Variants in AGBL4 observed in about 807,000 individuals in gnomAD.
The protein encoded by AGBL4 is AGBL carboxypeptidase 4, also known as cytosolic carboxypeptidase 6.
Under a neutral mutation model 66.4 loss-of-function variants are expected in AGBL4, and 58 were observed. The observed-to-expected ratio is 0.87, with a 90% CI of 0.71 to 1.09. The LOEUF (loss-of-function observed/expected upper bound fraction) is 1.09. Ranked by LOEUF, AGBL4 falls within the 50% of genes least tolerant of loss-of-function variation. The probability of loss-of-function intolerance (pLI) is 0.00; values close to 1 mark genes in which losing one functional copy is unlikely to be tolerated. For missense variants in AGBL4, 579 were observed against 631.0 expected (o/e 0.92, Z 0.88); for synonymous variants, 234 against 222.9 (o/e 1.05, Z -0.44).
intron 3 of AGBL4, among the ~76,000 whole-genome samples, chr1:49,413,933 T>C (rs1645372620): frequency 6.6e-6 from 1 of 152,142 alleles, no homozygotes; most frequent in Admixed American, 6.6e-5. Context: ...ATACTCGGCC[T>C]AGTTCACAGA....
At chr1:49,845,197 T>C in intron 2 of AGBL4, 1 of 1,451,414 alleles carries the variant, frequency 6.9e-7, no homozygotes, top group South Asian at 1.1e-5. Context: ...CCGAAACAGC[T>C]CGGCACTTAC....
At chr1:48,997,104 G>A (rs903735591) in intron 5 of AGBL4, among the ~76,000 whole-genome samples, 2 of 152,014 alleles carry the variant, frequency 1.3e-5, no homozygotes, top group African/African-American at 4.8e-5. Context: ...TGTAATTTTA[G>A]TAGAGATGGG....
intron 4 of AGBL4, among the ~76,000 whole-genome samples, chr1:49,056,629 G>A (rs780753597): frequency 1.1e-4 from 17 of 152,120 alleles, no homozygotes; most frequent in Non-Finnish European, 1.9e-4. Flanking sequence ...GAAAGTGGGG[G>A]AGGGTACTAG....
Position 49,618,031 on chromosome 1 carries a change from T to C in AGBL4, c.282+79282A>G, listed in dbSNP as rs11810625. Reference sequence around the variant, plus strand: ...CCTCCCAACACCCGACACGCCCTGGTGTGTGATGTTCCCCTCCCTGTGTCC... The same window carrying C: ...CCTCCCAACACCCGACACGCCCTGGCGTGTGATGTTCCCCTCCCTGTGTCC... On this transcript the variant is annotated intron_variant, in intron 3 of 13. Transcript: ENST00000371839. Among the ~76,000 whole-genome samples the C allele has an allele frequency of 8.7e-3, 1,317 of 152,110 alleles. 20 individuals carry two copies. Among genetic ancestry groups the C allele is most frequent in the African/African-American group, 0.03 (1,238 of 41,510 alleles).
intron 3 of AGBL4, among the ~76,000 whole-genome samples, chr1:49,395,831 G>A (rs868242197): frequency 0.019 from 1,473 of 78,942 alleles, 23 homozygotes; most frequent in African/African-American, 0.069. Context: ...ATATATATGT[G>A]TATATATATA....
Position 48,542,310 on chromosome 1 carries a change from A to G in AGBL4, c.1268-2572T>C, listed in dbSNP as rs370082448. On this transcript the variant is annotated intron_variant, in intron 11 of 13. Transcript: ENST00000371839. ...AGTGCTACAATAAACATACGTGTGC[A>G]TGTGTCTTTATAGTAGAATGATTTA... Among the ~76,000 whole-genome samples the G allele has an allele frequency of 4.9e-4, 75 of 152,332 alleles. No homozygotes were observed. The East Asian group carries it at 7.1e-3, about 14-fold the overall frequency.
intron 5 of AGBL4, among the ~76,000 whole-genome samples, chr1:48,878,996 G>A (rs1161465222): frequency 2.6e-5 from 4 of 152,108 alleles, no homozygotes; most frequent in Admixed American, 2.6e-4. Context: ...TTGCCAGCTT[G>A]ATTATGAGGA....
chr1:49,130,001 C>T (rs2148065809), intron 4 of AGBL4, among the ~76,000 whole-genome samples: 1 of 152,266 alleles, frequency 6.6e-6, no homozygotes, highest in East Asian at 1.9e-4. Context: ...TTAATGATCA[C>T]CTTTCTAACT....
intron 3 of AGBL4, among the ~76,000 whole-genome samples, chr1:49,563,792 C>A (rs950070734): frequency 3.3e-5 from 5 of 151,818 alleles, no homozygotes; most frequent in South Asian, 2.1e-4. Context: ...TGTCTTTGCC[C>A]GGCTTTGGTA....
At chr1:49,224,681 G>T (rs1033889976) in intron 4 of AGBL4, among the ~76,000 whole-genome samples, 21 of 150,130 alleles carry the variant, frequency 1.4e-4, no homozygotes, top group African/African-American at 4.9e-4. Context: ...AAAAAACTCA[G>T]TTTCTCTCTG....
chr1:49,612,876 G>T (rs903343209), intron 3 of AGBL4, among the ~76,000 whole-genome samples: 1 of 152,182 alleles, frequency 6.6e-6, no homozygotes, highest in Non-Finnish European at 1.5e-5. Flanking sequence ...CAATCCCATT[G>T]CTGGGTATAG....
In AGBL4 at chr1:49,205,409, C is replaced by A. The variant is rs375558299; in HGVS notation, c.377+40361G>T. ...TGTTCCTCCTAGATGCTGGAAAACA[C>A]TTTGACTCTGTAGAAACTAAGTGTA... On this transcript the variant is annotated intron_variant, in intron 4 of 13. Coordinates refer to ENST00000371839, the MANE Select transcript of AGBL4 (RefSeq NM_032785.4). Among the ~76,000 whole-genome samples, 18 of 152,170 alleles carry A rather than the reference C, an allele frequency of 1.2e-4. No individual in the cohort carries two copies. In the East Asian group the frequency reaches 2.3e-3, roughly 20 times the overall value.
At chr1:49,366,551 T>C (rs1644245361) in intron 3 of AGBL4, among the ~76,000 whole-genome samples, 1 of 152,190 alleles carries the variant, frequency 6.6e-6, no homozygotes, top group Non-Finnish European at 1.5e-5. Flanking sequence ...TGAGAAATCC[T>C]CCTGATTTAT....
chr1:48,808,881 C>T (rs1177709213), intron 6 of AGBL4, among the ~76,000 whole-genome samples: 1 of 152,162 alleles, frequency 6.6e-6, no homozygotes, highest in African/African-American at 2.4e-5. Flanking sequence ...ACAGAAAGCT[C>T]CTTTTATATC....
chr1:50,018,253 G>A (rs995489204), intron 1 of AGBL4, among the ~76,000 whole-genome samples: 1 of 152,034 alleles, frequency 6.6e-6, no homozygotes, highest in African/African-American at 2.4e-5. Context: ...ACACCCAACA[G>A]TTCTTAAATA....
At chr1:48,539,586 T>A in intron 12 of AGBL4, 56 bp downstream of exon 12, 1 of 1,376,668 alleles carries the variant, frequency 7.3e-7, no homozygotes, top group Non-Finnish European at 9.7e-7. Context: ...AAGTTGCCCC[T>A]GAATACAGCC....
intron 3 of AGBL4, among the ~76,000 whole-genome samples, chr1:49,622,624 G>A (rs1332045893): frequency 1.2e-4 from 7 of 58,328 alleles, no homozygotes; most frequent in Non-Finnish European, 1.7e-4. Flanking sequence ...GCGAGACTCC[G>A]TCTCAAAAAA....
intron 9 of AGBL4, among the ~76,000 whole-genome samples, chr1:48,614,743 A>G (rs949097603): frequency 4.6e-5 from 7 of 152,178 alleles, no homozygotes; most frequent in Admixed American, 6.5e-5. Flanking sequence ...GAGAAAAATA[A>G]CTCTAAAACA....
intron 4 of AGBL4, among the ~76,000 whole-genome samples, chr1:49,113,516 G>A (rs566164624): frequency 6.6e-6 from 1 of 152,202 alleles, no homozygotes; most frequent in Non-Finnish European, 1.5e-5. Context: ...GCCTCCCAAA[G>A]AGCTGGGCTT....
Sources: gnomAD v4.1 joint callset for allele counts (sites outside exome capture counted in the v4.1 genomes callset) on GRCh38, gnomAD v4.1.1 for gene constraint, MANE v1.5 for transcripts, NCBI Gene and HGNC (gene_info 2026-07-23, HGNC 2026-07-21) for gene names.